YPEL2: variants seen among roughly 807,000 people sequenced by gnomAD.
YPEL2 encodes protein yippee-like 2.
In YPEL2, 2 loss-of-function variants were observed where a neutral mutation model predicts 19.1. That is an observed-to-expected ratio of 0.10 (90% CI 0.04 to 0.33). The LOEUF is 0.33. Ranked by LOEUF, YPEL2 falls within the 10% of genes least tolerant of loss-of-function variation. YPEL2 has a pLI of 1.00. For missense variants in YPEL2, 66 were observed against 140.7 expected (o/e 0.47, Z 2.68); for synonymous variants, 52 against 50.0 (o/e 1.04, Z -0.17).
chr17:59,334,943 AAGTGAGATTCAGATGGAGGATGTGAT>A (rs1408224708), intron 1 of YPEL2, among the ~76,000 whole-genome samples: 13 of 152,350 alleles, frequency 8.5e-5, no homozygotes, highest in Admixed American at 4.6e-4. Context: ...AGAGATGTTG[AAGTGAGATTCAGATGGAGGATGTGAT>A]CAATTCCCAT....
chr17:59,364,721 A>T (rs1316045101), intron 2 of YPEL2, among the ~76,000 whole-genome samples: 1 of 150,876 alleles, frequency 6.6e-6, no homozygotes, highest in African/African-American at 2.4e-5. Flanking sequence ...GAGTTGAAGC[A>T]ATTCTCCTAT....
intron 2 of YPEL2, among the ~76,000 whole-genome samples, chr17:59,376,949 CAAAAAAAA>C (rs59030676): frequency 3.3e-4 from 16 of 48,548 alleles, no homozygotes; most frequent in Admixed American, 6.1e-4. Flanking sequence ...CACACTGTCT[CAAAAAAAA>C]AAAAAAAAAA....
At chr17:59,394,186 G>T (rs578185552) in intron 4 of YPEL2, among the ~76,000 whole-genome samples, 1 of 151,764 alleles carries the variant, frequency 6.6e-6, no homozygotes, top group African/African-American at 2.4e-5. Context: ...CTGGCCGGGC[G>T]GGGGGCTGAC....
chr17:59,339,584 T>A (rs2047717411), intron 1 of YPEL2, among the ~76,000 whole-genome samples: 2 of 152,178 alleles, frequency 1.3e-5, no homozygotes, highest in African/African-American at 4.8e-5. Context: ...TATGTTGAGT[T>A]GACTTAGACT....
At chr17:59,356,225 T>G (rs2047812029) in intron 2 of YPEL2, 1 of 150,978 alleles carries the variant, frequency 6.6e-6, no homozygotes, top group Non-Finnish European at 1.5e-5. Flanking sequence ...TAACTGGAGC[T>G]GGATCAGCAG....
chr17:59,386,294 T>C (rs540986500), intron 2 of YPEL2, among the ~76,000 whole-genome samples: 61 of 150,202 alleles, frequency 4.1e-4, no homozygotes, highest in Admixed American at 2.5e-3. Context: ...ACCACTGCAC[T>C]CCAGCCTGGG....
intron 2 of YPEL2, among the ~76,000 whole-genome samples, chr17:59,363,662 A>G (rs540889880): frequency 4.6e-5 from 7 of 152,306 alleles, no homozygotes; most frequent in African/African-American, 1.4e-4. Flanking sequence ...GAACTCCTTT[A>G]GGTATTTTAC....
At chr17:59,347,504 T>C (rs1051950287) in intron 1 of YPEL2, among the ~76,000 whole-genome samples, 1 of 152,196 alleles carries the variant, frequency 6.6e-6, no homozygotes, top group Non-Finnish European at 1.5e-5. Flanking sequence ...GATCTCCTTT[T>C]TAAATAGACA....
At chr17:59,375,682 A>G (rs1345190375) in intron 2 of YPEL2, among the ~76,000 whole-genome samples, 1 of 152,200 alleles carries the variant, frequency 6.6e-6, no homozygotes, top group African/African-American at 2.4e-5. Flanking sequence ...TAATTCATTA[A>G]TTTACAGTGG....
intron 1 of YPEL2, among the ~76,000 whole-genome samples, chr17:59,351,056 A>C (rs778223695): frequency 6.6e-6 from 1 of 152,014 alleles, no homozygotes; most frequent in Non-Finnish European, 1.5e-5. Flanking sequence ...TGTGCTGTCT[A>C]TCCTGAAATG....
chr17:59,340,346 TG>T (rs1844415729), intron 1 of YPEL2, among the ~76,000 whole-genome samples: 3 of 151,742 alleles, frequency 2.0e-5, no homozygotes, highest in Admixed American at 1.3e-4. Flanking sequence ...TGACCTCAGG[TG>T]ATCCACCCGC....
intron 2 of YPEL2, among the ~76,000 whole-genome samples, chr17:59,374,260 C>T (rs1463113030): frequency 6.6e-6 from 1 of 152,196 alleles, no homozygotes; most frequent in African/African-American, 2.4e-5. Context: ...AGTGTGTGCT[C>T]TTGCATTTTG....
At chr17:59,339,784 GTCA>G (rs1317839717) in intron 1 of YPEL2, among the ~76,000 whole-genome samples, 5 of 152,118 alleles carry the variant, frequency 3.3e-5, no homozygotes, top group Admixed American at 6.5e-5. Context: ...GAAAGCAGGG[GTCA>G]TCATCATAAT....
chr17:59,336,739 A>G (rs1445412325), intron 1 of YPEL2, among the ~76,000 whole-genome samples: 1 of 152,068 alleles, frequency 6.6e-6, no homozygotes, highest in Non-Finnish European at 1.5e-5. Context: ...TTCTCAATCC[A>G]TTGATTTGGG....
Position 59,397,154 on chromosome 17 carries a change from A to G in YPEL2, c.324A>G (p.Glu108=). Residue 108 remains glutamate, a synonymous_variant, in exon 5 of 5, where the codon GAA becomes GAG. Transcript: ENST00000312655. ...QKYKEGKYII[E]LAHMIKDNGW... ...ATAAAGAAGGCAAATACATCATTGA[A>G]CTAGCACACATGATCAAGGACAATG... is the stretch of plus-strand genomic sequence containing the variant. 6.2e-7 allele frequency: 1 copy of G among 1,612,772 alleles called. No individual in the cohort carries two copies. The highest frequency in any genetic ancestry group is 8.5e-7 in the Non-Finnish European group (1 of 1,179,400).
At chr17:59,378,425 A>G (rs2047933115) in intron 2 of YPEL2, among the ~76,000 whole-genome samples, 1 of 150,916 alleles carries the variant, frequency 6.6e-6, no homozygotes, top group African/African-American at 2.4e-5. Flanking sequence ...GCTCACTGCA[A>G]CCTCCACCTC....
In YPEL2 at chr17:59,353,455, T is replaced by A. The variant is rs776757930; in HGVS notation, c.46T>A (p.Ser16Thr). 3.1e-6 allele frequency: 5 copies of A among 1,612,216 alleles called. No individual in the cohort carries two copies. The highest frequency in any genetic ancestry group is 3.4e-6 in the Non-Finnish European group (4 of 1,178,850). ...RSKTFQAYLP[S>T]CHRTYSCIHC... ...GAAGACTTTCCAGGCATATCTGCCC[T>A]CCTGCCACCGGACCTACAGCTGCAT... The change falls in exon 2 of 5, where the codon TCC (serine) becomes ACC (threonine). Residue 16 changes from serine to threonine, a missense_variant. By Grantham distance (58) the Ser-to-Thr change is moderately conservative. Coordinates refer to ENST00000312655, the MANE Select transcript of YPEL2 (RefSeq NM_001005404.4). The surrounding 1 kb of genome is among the most constrained non-coding windows in gnomAD (Gnocchi z 4.8).
intron 2 of YPEL2, chr17:59,356,134 C>G (rs2047811613): frequency 6.6e-6 from 1 of 152,086 alleles, no homozygotes; most frequent in Non-Finnish European, 1.5e-5. Context: ...GAGAGAATGT[C>G]TCTCCTGTTC....
chr17:59,331,996 G>T (rs1354518956), intron 1 of YPEL2, among the ~76,000 whole-genome samples, 172 bp downstream of exon 1: 1 of 151,500 alleles, frequency 6.6e-6, no homozygotes, highest in Non-Finnish European at 1.5e-5. Flanking sequence ...CGCCGGGGAC[G>T]GGGAGCGGCC....
Sources: gnomAD v4.1 joint callset for allele counts (sites outside exome capture counted in the v4.1 genomes callset) on GRCh38, gnomAD v4.1.1 for gene constraint, Gnocchi (gnomAD v3.1) non-coding constraint, MANE v1.5 for transcripts, NCBI Gene and HGNC (gene_info 2026-07-23, HGNC 2026-07-21) for gene names.